The following OSBPL10 variants were observed in gnomAD, a reference collection of about 807,000 sequenced individuals.
OSBPL10 encodes the protein oxysterol-binding protein-related protein 10.
OSBPL10 carries 49 observed loss-of-function variants against 81.7 expected under a neutral mutation model. That is an observed-to-expected ratio of 0.60 (90% CI 0.48 to 0.76). The LOEUF is 0.76. Among genes scored for constraint, OSBPL10 ranks in the 30% least tolerant of loss-of-function variants. The probability of loss-of-function intolerance (pLI) is 0.00; values close to 1 mark genes in which losing one functional copy is unlikely to be tolerated. For missense variants in OSBPL10, 923 were observed against 987.8 expected (o/e 0.93, Z 0.88); for synonymous variants, 419 against 383.6 (o/e 1.09, Z -1.08).
intron 1 of OSBPL10, among the ~76,000 whole-genome samples, chr3:32,054,132 C>G (rs1369671214): frequency 6.6e-6 from 1 of 152,178 alleles, no homozygotes; most frequent in East Asian, 1.9e-4. Context: ...TTTGAGTTAT[C>G]ATTTTGACCA....
chr3:31,803,002 A>T (rs562868824), intron 4 of OSBPL10, among the ~76,000 whole-genome samples: 2 of 140,486 alleles, frequency 1.4e-5, no homozygotes, highest in South Asian at 4.5e-4. Context: ...ACAGCATCTA[A>T]GTCTGAGCTG....
intron 7 of OSBPL10, among the ~76,000 whole-genome samples, chr3:31,691,457 G>C (rs1695545497): frequency 6.6e-6 from 1 of 152,146 alleles, no homozygotes; most frequent in African/African-American, 2.4e-5. Context: ...CAGTGGCTCA[G>C]ACCCATGATC....
At chr3:31,992,049 G>A (rs561321927) in intron 2 of OSBPL10, among the ~76,000 whole-genome samples, 5 of 151,762 alleles carry the variant, frequency 3.3e-5, no homozygotes, top group African/African-American at 9.7e-5. Flanking sequence ...GGGAGGCTGA[G>A]GCAGGAGAAT....
At chr3:31,732,278 A>G (rs1480248776) in intron 6 of OSBPL10, among the ~76,000 whole-genome samples, 6 of 151,248 alleles carry the variant, frequency 4.0e-5, no homozygotes, top group African/African-American at 1.5e-4. Flanking sequence ...TAGGCAGGCT[A>G]ATCTGACTTT....
At chr3:32,011,889 GA>G (rs1024024545) in intron 2 of OSBPL10, among the ~76,000 whole-genome samples, 4 of 151,728 alleles carry the variant, frequency 2.6e-5, no homozygotes, top group South Asian at 2.1e-4. Flanking sequence ...AGAGAAGTCA[GA>G]AAAAAAAGAA....
At chr3:31,688,324 C>T (rs1383171536) in intron 7 of OSBPL10, among the ~76,000 whole-genome samples, 1 of 151,628 alleles carries the variant, frequency 6.6e-6, no homozygotes, top group Non-Finnish European at 1.5e-5. Flanking sequence ...CACACACACT[C>T]CCTTTTTCTG....
At chr3:31,687,789 AAGAGCCAG>A (rs1304552880) in intron 7 of OSBPL10, among the ~76,000 whole-genome samples, 3 of 152,102 alleles carry the variant, frequency 2.0e-5, no homozygotes, top group African/African-American at 7.2e-5. Flanking sequence ...GAAGAGGGGG[AAGAGCCAG>A]GTATGGTGCC....
chr3:31,865,253 T>G (rs1350510720), intron 3 of OSBPL10, among the ~76,000 whole-genome samples: 1 of 152,208 alleles, frequency 6.6e-6, no homozygotes, highest in Non-Finnish European at 1.5e-5. Flanking sequence ...ATAATGGAAA[T>G]GCTCTATATC....
At chr3:32,052,603 C>T (rs1418772133) in intron 1 of OSBPL10, among the ~76,000 whole-genome samples, 1 of 152,174 alleles carries the variant, frequency 6.6e-6, no homozygotes, top group Admixed American at 6.5e-5. Context: ...TACATATATA[C>T]CACGGAATAC....
chr3:31,737,958 C>T (rs2125676679), intron 5 of OSBPL10, among the ~76,000 whole-genome samples: 1 of 151,124 alleles, frequency 6.6e-6, no homozygotes, highest in South Asian at 2.1e-4. Flanking sequence ...TGCCACTGCA[C>T]TCCAGCCCTC....
chr3:31,948,460 G>T (rs543720706), intron 1 of OSBPL10, among the ~76,000 whole-genome samples: 160 of 152,248 alleles, frequency 1.1e-3, no homozygotes, highest in African/African-American at 3.7e-3. Flanking sequence ...ATTGCAAGCA[G>T]CAGCCTGCAG....
intron 4 of OSBPL10, among the ~76,000 whole-genome samples, chr3:31,757,263 G>A (rs1451603284): frequency 6.6e-6 from 1 of 152,130 alleles, no homozygotes; most frequent in African/African-American, 2.4e-5. Flanking sequence ...ATAAGATCTT[G>A]AGGGTGGTCC....
At chr3:32,026,756 C>T (rs1356609858) in intron 2 of OSBPL10, among the ~76,000 whole-genome samples, 1 of 152,182 alleles carries the variant, frequency 6.6e-6, no homozygotes, top group African/African-American at 2.4e-5. Flanking sequence ...AGGTGGTGAA[C>T]AGCTTTTACT....
chr3:31,683,042 T>C (rs919731806), intron 8 of OSBPL10, among the ~76,000 whole-genome samples: 3 of 152,224 alleles, frequency 2.0e-5, no homozygotes, highest in African/African-American at 7.2e-5. Flanking sequence ...GTAACACAGA[T>C]GCTTGAATTT....
At chr3:31,774,623 C>T (rs537057040) in intron 4 of OSBPL10, among the ~76,000 whole-genome samples, 83 of 152,100 alleles carry the variant, frequency 5.5e-4, no homozygotes, top group African/African-American at 2.0e-3. Context: ...AGCGATTCTC[C>T]TGCCTCAGCT....
chr3:31,685,545 T>A (rs1700771812), intron 7 of OSBPL10, among the ~76,000 whole-genome samples: 1 of 152,154 alleles, frequency 6.6e-6, no homozygotes, highest in African/African-American at 2.4e-5. Context: ...ATTCTGTTCC[T>A]CCTAACGTGG....
intron 1 of OSBPL10, among the ~76,000 whole-genome samples, chr3:31,902,417 C>A (rs1429750800): frequency 6.6e-6 from 1 of 151,916 alleles, no homozygotes; most frequent in African/African-American, 2.4e-5. Flanking sequence ...TGGCTGCCAC[C>A]ACACCCAGCT....
intron 1 of OSBPL10, among the ~76,000 whole-genome samples, chr3:31,944,860 A>T (rs1392188651): frequency 1.6e-5 from 2 of 124,976 alleles, no homozygotes; most frequent in African/African-American, 7.2e-5. Context: ...AAAAAAAAAA[A>T]AAAAAAAAAA....
At chr3:31,963,415 C>T (rs1326361718) in intron 1 of OSBPL10, among the ~76,000 whole-genome samples, 1 of 152,168 alleles carries the variant, frequency 6.6e-6, no homozygotes, top group Non-Finnish European at 1.5e-5. Flanking sequence ...TGATCAAGTT[C>T]TCACAGTTTA....
Sources: allele counts gnomAD v4.1 joint callset (sites outside exome capture counted in the v4.1 genomes callset), GRCh38; gene constraint gnomAD v4.1.1; transcripts MANE v1.5; gene names NCBI Gene and HGNC (gene_info 2026-07-23, HGNC 2026-07-21).